IL1RAP: variants seen among roughly 807,000 people sequenced by gnomAD.
IL1RAP encodes the protein interleukin-1 receptor accessory protein.
A neutral mutation model predicts 60.7 loss-of-function variants in IL1RAP; 35 were observed. That is an observed-to-expected ratio of 0.58 (90% CI 0.44 to 0.76). The LOEUF (loss-of-function observed/expected upper bound fraction) is 0.76, where lower values mean the gene tolerates loss of function less well. Among genes scored for constraint, IL1RAP ranks in the 30% least tolerant of loss-of-function variants. The probability of loss-of-function intolerance (pLI) is 0.00; values close to 1 mark genes in which losing one functional copy is unlikely to be tolerated. For missense variants in IL1RAP, 572 were observed against 693.9 expected, an observed-to-expected ratio of 0.82 and a Z score of 1.97; for synonymous variants, 268 against 250.9, an observed-to-expected ratio of 1.07 and a Z score of -0.64.
chr3:190,541,395 C>T (rs1221868822), intron 1 of IL1RAP, among the ~76,000 whole-genome samples: 5 of 152,108 alleles, frequency 3.3e-5, no homozygotes, highest in African/African-American at 1.2e-4. Context: ...AGAATCTTTT[C>T]CCTTATTTTC....
intron 3 of IL1RAP, among the ~76,000 whole-genome samples, chr3:190,566,197 CAT>C (rs1207969648): frequency 5.3e-5 from 8 of 152,152 alleles, no homozygotes; most frequent in African/African-American, 1.9e-4. Flanking sequence ...CACATAGACA[CAT>C]AGCAGATGCT....
chr3:190,613,726 C>T (rs571276999), intron 5 of IL1RAP, among the ~76,000 whole-genome samples: 45 of 151,804 alleles, frequency 3.0e-4, no homozygotes, highest in African/African-American at 9.7e-4. Flanking sequence ...CCAGCTACTC[C>T]GGAGGCTGAG....
intron 1 of IL1RAP, among the ~76,000 whole-genome samples, chr3:190,536,894 A>G (rs1346352901): frequency 3.9e-5 from 6 of 152,208 alleles, no homozygotes; most frequent in African/African-American, 1.4e-4. Flanking sequence ...TAAAAAGAAA[A>G]ACAGTTATAT....
chr3:190,529,072 A>G (rs9823517), intron 1 of IL1RAP, among the ~76,000 whole-genome samples: 19,256 of 152,168 alleles, frequency 0.13, 1,793 homozygotes, highest in African/African-American at 0.27. Context: ...GCAGGCAGAC[A>G]GTCAGAAATG....
chr3:190,519,166 A>G (rs191365017), intron 1 of IL1RAP: 7 of 152,342 alleles, frequency 4.6e-5, no homozygotes, highest in Admixed American at 3.9e-4. Context: ...TTCTTCTGCT[A>G]TAACGCATTG....
At chr3:190,612,026 A>G (rs1267645695) in intron 5 of IL1RAP, among the ~76,000 whole-genome samples, 1 of 152,202 alleles carries the variant, frequency 6.6e-6, no homozygotes, top group Non-Finnish European at 1.5e-5. Context: ...AAACTTGATA[A>G]TGGTACTGTA....
chr3:190,568,912 A>G (rs1258461176), intron 3 of IL1RAP, among the ~76,000 whole-genome samples: 2 of 152,212 alleles, frequency 1.3e-5, no homozygotes, highest in African/African-American at 4.8e-5. Context: ...TCTTATTTTA[A>G]GAGGAATACA....
intron 9 of IL1RAP, 122 bp from the exon 10 acceptor site, chr3:190,644,126 A>G: frequency 6.9e-7 from 1 of 1,444,272 alleles, no homozygotes; most frequent in East Asian, 2.5e-5. Context: ...GTTATCTCTG[A>G]TTGTTCATAC....
chr3:190,557,414 G>GT (rs1183842174), intron 2 of IL1RAP, among the ~76,000 whole-genome samples: 2 of 152,184 alleles, frequency 1.3e-5, no homozygotes, highest in Non-Finnish European at 2.9e-5. Flanking sequence ...ATGGCAGGTG[G>GT]TATATTATGT....
At chr3:190,621,101 C>T (rs985053117) in intron 6 of IL1RAP, among the ~76,000 whole-genome samples, 3 of 152,088 alleles carry the variant, frequency 2.0e-5, no homozygotes, top group Non-Finnish European at 1.5e-5. Flanking sequence ...TTGGGGATTA[C>T]CCCTAAATAC....
chr3:190,656,338 A>G (rs1734619105), downstream of IL1RAP: 3 of 1,537,196 alleles, frequency 2.0e-6, no homozygotes, highest in Non-Finnish European at 2.6e-6. Flanking sequence ...CCCAGGCACA[A>G]TGTCCAAGCA....
intron 3 of IL1RAP, among the ~76,000 whole-genome samples, chr3:190,572,925 G>A (rs1443350771): frequency 2.2e-5 from 1 of 46,012 alleles, no homozygotes; most frequent in Non-Finnish European, 4.9e-5. Context: ...GTGCAGTGGC[G>A]GGATCTCGGC....
At chr3:190,612,922 C>G (rs1435616064) in intron 5 of IL1RAP, among the ~76,000 whole-genome samples, 1 of 152,108 alleles carries the variant, frequency 6.6e-6, no homozygotes, top group Non-Finnish European at 1.5e-5. Flanking sequence ...TGTATACTAG[C>G]TGAAGATTAA....
intron 3 of IL1RAP, among the ~76,000 whole-genome samples, chr3:190,585,716 G>A (rs1728394863): frequency 6.6e-6 from 1 of 152,000 alleles, no homozygotes; most frequent in Non-Finnish European, 1.5e-5. Context: ...GGAGGGTGAG[G>A]TAGGAGAATT....
At chr3:190,521,236 T>A (rs1006730883) in intron 1 of IL1RAP, among the ~76,000 whole-genome samples, 8 of 152,156 alleles carry the variant, frequency 5.3e-5, no homozygotes, top group South Asian at 2.1e-4. Context: ...AGCTTTTTTT[T>A]AATATAGAAC....
At chr3:190,571,629 A>G (rs1035329693) in intron 3 of IL1RAP, among the ~76,000 whole-genome samples, 6 of 152,244 alleles carry the variant, frequency 3.9e-5, no homozygotes, top group Non-Finnish European at 5.9e-5. Flanking sequence ...CGAAGTATTT[A>G]TACATTGTGG....
At chr3:190,636,062 CA>C (rs1388934547) in intron 9 of IL1RAP, among the ~76,000 whole-genome samples, 1 of 152,004 alleles carries the variant, frequency 6.6e-6, no homozygotes, top group Non-Finnish European at 1.5e-5. Flanking sequence ...CTGATGTGTC[CA>C]AAGAACATAC....
At chr3:190,534,939 A>G (rs1439035980) in intron 1 of IL1RAP, among the ~76,000 whole-genome samples, 1 of 151,658 alleles carries the variant, frequency 6.6e-6, no homozygotes, top group African/African-American at 2.4e-5. Context: ...AAAAAAGAAA[A>G]CCAGCAAAGT....
intron 1 of IL1RAP, among the ~76,000 whole-genome samples, chr3:190,541,419 C>T (rs1289907363): frequency 1.3e-5 from 2 of 152,080 alleles, no homozygotes; most frequent in Admixed American, 6.6e-5. Context: ...AAGAATTATG[C>T]TTCTTAGTTT....
Sources: gnomAD v4.1 joint callset for allele counts (sites outside exome capture counted in the v4.1 genomes callset) on GRCh38, gnomAD v4.1.1 for gene constraint, MANE v1.5 for transcripts, NCBI Gene and HGNC (gene_info 2026-07-23, HGNC 2026-07-21) for gene names.